The following RIMKLB variants were observed in gnomAD, a reference collection of about 807,000 sequenced individuals.
RIMKLB encodes beta-citrylglutamate synthase B.
Under a neutral mutation model 32.0 loss-of-function variants are expected in RIMKLB, and 7 were observed. That is an observed-to-expected ratio of 0.22 (90% CI 0.12 to 0.41). RIMKLB has a LOEUF of 0.41. Ranked by LOEUF, RIMKLB falls within the 10% of genes least tolerant of loss-of-function variation. RIMKLB has a pLI of 1.00. For missense variants in RIMKLB, 289 were observed against 498.7 expected, an observed-to-expected ratio of 0.58 and a Z score of 4.00; for synonymous variants, 172 against 185.1, an observed-to-expected ratio of 0.93 and a Z score of 0.57.
chr12:8,737,735 G>A (rs978051204), intron 2 of RIMKLB, among the ~76,000 whole-genome samples: 2 of 151,940 alleles, frequency 1.3e-5, no homozygotes, highest in Non-Finnish European at 1.5e-5. Context: ...TTATTTTGGA[G>A]ATGAGTTTCA....
At position 8,773,188 on chromosome 12, in the gene RIMKLB, C is replaced by G. The variant is rs1306935808; in HGVS notation, c.698-133C>G. 5 of 645,238 alleles carry G rather than the reference C, an allele frequency of 7.7e-6. No homozygotes were observed. In the East Asian group the frequency reaches 1.3e-4, roughly 17 times the overall value. The allele number at this position is 645,238 out of a possible 1,614,324, so 40.0% of individuals were successfully genotyped here. On this transcript the variant is annotated intron_variant, in intron 5 of 5. Coordinates refer to ENST00000535829, the MANE Select transcript of RIMKLB (RefSeq NM_001297776.2). ...TTAAGGAAATCTAGACTTAGAAGTC[C>G]TAATTTTACACTAGAATAACGCCTT...
intron 5 of RIMKLB, among the ~76,000 whole-genome samples, chr12:8,771,260 AT>A (rs1221395090): frequency 2.6e-5 from 4 of 152,314 alleles, no homozygotes; most frequent in Admixed American, 2.6e-4. Flanking sequence ...TCTGTGCCAC[AT>A]TCCTTCCTCC....
intron 1 of RIMKLB, among the ~76,000 whole-genome samples, chr12:8,691,291 A>T (rs1351024016): frequency 6.6e-6 from 1 of 151,896 alleles, no homozygotes. Context: ...ACACTTGGCC[A>T]AATTTTTTTT....
At chr12:8,678,689 C>G (rs540046888), upstream of RIMKLB, 3 of 152,334 alleles carry the variant, frequency 2.0e-5, no homozygotes, top group South Asian at 6.2e-4. Flanking sequence ...GCTCTGCAGA[C>G]AAGATGCTGC....
intron 1 of RIMKLB, among the ~76,000 whole-genome samples, chr12:8,703,269 G>A (rs1943559295): frequency 1.3e-5 from 2 of 151,930 alleles, no homozygotes; most frequent in African/African-American, 2.4e-5. Flanking sequence ...GGGCAGCAGA[G>A]TGAGACTCCC....
rs754097679 is a variant in RIMKLB at position 8,713,842 on chromosome 12, G to C, written c.-25G>C. The C allele has an allele frequency of 6.2e-7, 1 of 1,613,542 alleles. No homozygotes were observed. The highest frequency in any genetic ancestry group is 1.1e-5 in the South Asian group (1 of 91,052). The stretch of plus-strand genomic sequence containing the variant: ...GTTACATCCAAGAGGAAATAATCCA[G>C]GCAAGGAAGCACAAGCTGATCAAGA... On this transcript the variant is annotated 5_prime_UTR_variant, in exon 2 of 6. Coordinates refer to ENST00000535829, the MANE Select transcript of RIMKLB (RefSeq NM_001297776.2).
At chr12:8,738,538 TG>T (rs1947221240) in intron 2 of RIMKLB, among the ~76,000 whole-genome samples, 1 of 152,252 alleles carries the variant, frequency 6.6e-6, no homozygotes, top group Non-Finnish European at 1.5e-5. Context: ...GGACAGTATT[TG>T]TATGGTCATC....
intron 5 of RIMKLB, among the ~76,000 whole-genome samples, chr12:8,762,862 A>C (rs768217567): frequency 2.2e-4 from 33 of 152,178 alleles, no homozygotes; most frequent in Non-Finnish European, 4.3e-4. Flanking sequence ...GGTCGGGATC[A>C]GTCAAGGGAA....
chr12:8,698,917 T>A (rs1321097646), intron 1 of RIMKLB, among the ~76,000 whole-genome samples: 3 of 152,008 alleles, frequency 2.0e-5, no homozygotes, highest in Non-Finnish European at 4.4e-5. Context: ...TTTAAAAATT[T>A]GAGCATGATG....
chr12:8,690,176 A>T (rs1942691510), intron 1 of RIMKLB, among the ~76,000 whole-genome samples: 1 of 152,234 alleles, frequency 6.6e-6, no homozygotes, highest in African/African-American at 2.4e-5. Flanking sequence ...CATAATTGAT[A>T]AAAAGATTCT....
chr12:8,727,108 T>C (rs1478161275), intron 2 of RIMKLB, among the ~76,000 whole-genome samples: 1 of 152,226 alleles, frequency 6.6e-6, no homozygotes, highest in Non-Finnish European at 1.5e-5. Flanking sequence ...ATTGCTGTTA[T>C]TCATTTCTTT....
intron 5 of RIMKLB, among the ~76,000 whole-genome samples, chr12:8,764,572 C>T (rs1949797412): frequency 6.6e-6 from 1 of 152,128 alleles, no homozygotes; most frequent in Non-Finnish European, 1.5e-5. Flanking sequence ...ACTGAGAAGG[C>T]TGCGCCAGTG....
the RIMKLB span, among the ~76,000 whole-genome samples, chr12:8,675,699 T>A: frequency 6.6e-6 from 1 of 152,164 alleles, no homozygotes; most frequent in African/African-American, 2.4e-5. Context: ...GGATTACAAC[T>A]TTTTTTAGAC....
chr12:8,733,677 AGC>A (rs1946746909), intron 2 of RIMKLB, among the ~76,000 whole-genome samples: 1 of 152,218 alleles, frequency 6.6e-6, no homozygotes, highest in South Asian at 2.1e-4. Flanking sequence ...GTTCAAGACC[AGC>A]CTGGGCAACA....
At chr12:8,754,371 T>G (rs1948851430) in intron 5 of RIMKLB, among the ~76,000 whole-genome samples, 2 of 152,226 alleles carry the variant, frequency 1.3e-5, no homozygotes, top group Admixed American at 1.3e-4. Context: ...CTGACAAAAG[T>G]TAAGAGATTC....
chr12:8,681,245 A>G (rs58333563), upstream of RIMKLB, among the ~76,000 whole-genome samples: 2,677 of 152,206 alleles, frequency 0.018, 54 homozygotes, highest in African/African-American at 0.051. Flanking sequence ...GATTACAGAC[A>G]TGAGCCACTG....
upstream of RIMKLB, chr12:8,679,647 C>T (rs961980528): frequency 1.3e-5 from 2 of 152,322 alleles, no homozygotes; most frequent in African/African-American, 2.4e-5. Flanking sequence ...CAAATCCTTG[C>T]CTTCTTCACA....
rs1255953972 is a variant in RIMKLB at position 8,713,964 on chromosome 12, A to G, written c.98A>G (p.Lys33Arg). The G allele has an allele frequency of 1.2e-6, 2 of 1,613,942 alleles. No individual in the cohort carries two copies. Among genetic ancestry groups the G allele is most frequent in the African/African-American group, 1.3e-5 (1 of 74,884 alleles). Residue 33 changes from lysine to arginine, a missense_variant, in exon 2 of 6, where the codon AAA becomes AGA. By Grantham distance (26) the Lys-to-Arg change is conservative. Around this residue, in one of 3 missense-constraint regions of RIMKLB, gnomAD observed 156 missense variants for 329.5 expected, o/e 0.47. Coordinates refer to ENST00000535829, the MANE Select transcript of RIMKLB (RefSeq NM_001297776.2). ...GAGATTTTACGAGCATTGAAGGCCA[A>G]ATGTTGTGAGGAGGAACTGGACTTT... is the stretch of plus-strand genomic sequence containing the variant. ...QKEILRALKA[K>R]CCEEELDFRA... is the part of the protein sequence containing the mutation.
chr12:8,748,549 TGTGTGTGTGC>T (rs1488317327), intron 2 of RIMKLB, among the ~76,000 whole-genome samples: 3 of 110,362 alleles, frequency 2.7e-5, no homozygotes, highest in Non-Finnish European at 6.2e-5. Flanking sequence ...TGTGTGTGTG[TGTGTGTGTGC>T]ATATATATAT....
Sources: gnomAD v4.1 joint callset for allele counts (sites outside exome capture counted in the v4.1 genomes callset) on GRCh38, gnomAD v4.1.1 for gene constraint, gnomAD v4.1.1 regional missense constraint, MANE v1.5 for transcripts, NCBI Gene and HGNC (gene_info 2026-07-23, HGNC 2026-07-21) for gene names.